Variants in SIMC1 observed in about 807,000 individuals in gnomAD.
SIMC1 encodes the protein SUMO-interacting motif-containing protein 1.
SIMC1 carries 55 observed loss-of-function variants against 82.3 expected under a neutral mutation model. The ratio of observed to expected loss-of-function variants is 0.67; its 90% CI spans 0.54 to 0.84. The LOEUF (loss-of-function observed/expected upper bound fraction) is 0.84. Among genes scored for constraint, SIMC1 ranks in the 40% least tolerant of loss-of-function variants. SIMC1 has a pLI of 0.00. For synonymous variants in SIMC1, 353 were observed against 426.3 expected (o/e 0.83, Z 2.12); for missense variants, 915 against 1,107.2 (o/e 0.83, Z 2.46).
chr5:176,301,488 C>T (rs1428314204), intron 4 of SIMC1, among the ~76,000 whole-genome samples: 1 of 152,116 alleles, frequency 6.6e-6, no homozygotes, highest in Non-Finnish European at 1.5e-5. Flanking sequence ...ATCAAAAAAA[C>T]TACAAGCAGC....
chr5:176,316,123 C>T (rs572660651), intron 5 of SIMC1, among the ~76,000 whole-genome samples: 23 of 151,482 alleles, frequency 1.5e-4, no homozygotes, highest in East Asian at 1.9e-4. Context: ...TGCAGTAAGC[C>T]GAGATCACAC....
chr5:176,323,930 G>A (rs1185709891), intron 6 of SIMC1, among the ~76,000 whole-genome samples: 6 of 151,170 alleles, frequency 4.0e-5, no homozygotes, highest in African/African-American at 1.5e-4. Context: ...GGAGCTGGCA[G>A]TGAGCCAAGA....
chr5:176,305,910 T>A (rs868394320), intron 4 of SIMC1, among the ~76,000 whole-genome samples: 1 of 32,480 alleles, frequency 3.1e-5, no homozygotes, highest in Non-Finnish European at 6.1e-5. Context: ...TGAGGGGCGC[T>A]TCTGCCCGGC....
intron 4 of SIMC1, chr5:176,309,038 T>TG: frequency 1.3e-6 from 1 of 770,952 alleles, no homozygotes; most frequent in South Asian, 1.4e-5. Flanking sequence ...TGGAGAAAGA[T>TG]GAAAATATCC....
intron 1 of SIMC1, among the ~76,000 whole-genome samples, chr5:176,246,002 A>G (rs1181380685): frequency 1.4e-5 from 2 of 144,468 alleles, no homozygotes; most frequent in African/African-American, 2.6e-5. Context: ...CCCTAGCTCT[A>G]TTTGTCAAGG....
intron 1 of SIMC1, among the ~76,000 whole-genome samples, chr5:176,250,074 C>G (rs1194723582): frequency 6.6e-6 from 1 of 152,154 alleles, no homozygotes; most frequent in African/African-American, 2.4e-5. Context: ...AAATTTCCCT[C>G]TAAACACTGC....
intron 7 of SIMC1, among the ~76,000 whole-genome samples, chr5:176,335,797 C>T (rs1765864985): frequency 6.6e-6 from 1 of 151,996 alleles, no homozygotes; most frequent in South Asian, 2.1e-4. Flanking sequence ...AATCCCAACA[C>T]TTTGGGAGGC....
At chr5:176,297,261 G>A (rs1269117175) in intron 4 of SIMC1, among the ~76,000 whole-genome samples, 1 of 152,102 alleles carries the variant, frequency 6.6e-6, no homozygotes, top group Non-Finnish European at 1.5e-5. Context: ...AGCACTTTGG[G>A]AGGCCAAGGC....
chr5:176,329,106 C>T (rs1019702733), intron 7 of SIMC1, among the ~76,000 whole-genome samples: 9 of 152,190 alleles, frequency 5.9e-5, no homozygotes, highest in Admixed American at 1.3e-4. Context: ...TTCTCATGCA[C>T]TCATTTGTGT....
At chr5:176,270,980 G>A (rs977785517) in intron 1 of SIMC1, among the ~76,000 whole-genome samples, 5 of 152,172 alleles carry the variant, frequency 3.3e-5, no homozygotes, top group African/African-American at 1.2e-4. Flanking sequence ...ACACGATCTA[G>A]TGAGACACCA....
At chr5:176,283,705 C>A (rs1763126194) in intron 1 of SIMC1, among the ~76,000 whole-genome samples, 2 of 152,152 alleles carry the variant, frequency 1.3e-5, no homozygotes, top group Non-Finnish European at 2.9e-5. Context: ...GTGCCCAATG[C>A]TCCAATTAAA....
chr5:176,323,296 A>G (rs1408569846), intron 6 of SIMC1, among the ~76,000 whole-genome samples: 1 of 152,228 alleles, frequency 6.6e-6, no homozygotes, highest in East Asian at 1.9e-4. Context: ...ATACAGACCC[A>G]AGAGGGAGGT....
At chr5:176,291,351 T>TG (rs1311116666) in intron 2 of SIMC1, among the ~76,000 whole-genome samples, 4 of 145,306 alleles carry the variant, frequency 2.8e-5, no homozygotes, top group Non-Finnish European at 6.1e-5. Flanking sequence ...TTTTTTTTTT[T>TG]TTTGAGATGG....
At chr5:176,340,609 A>G (rs1023087230) in intron 9 of SIMC1, among the ~76,000 whole-genome samples, 2 of 152,216 alleles carry the variant, frequency 1.3e-5, no homozygotes, top group African/African-American at 4.8e-5. Context: ...TATCCAGGCA[A>G]CAGATATCTA....
chr5:176,320,577 C>A (rs1765119087), intron 5 of SIMC1, among the ~76,000 whole-genome samples: 1 of 151,970 alleles, frequency 6.6e-6, no homozygotes, highest in African/African-American at 2.4e-5. Flanking sequence ...ACCATTTTGC[C>A]CAGGCTGGTC....
chr5:176,284,750 A>G (rs1470665895), intron 1 of SIMC1, among the ~76,000 whole-genome samples: 3 of 151,316 alleles, frequency 2.0e-5, no homozygotes, highest in Non-Finnish European at 4.4e-5. Context: ...GCTGGGCAAT[A>G]AAAAATGATA....
At chr5:176,311,293 A>G (rs1764653005) in intron 4 of SIMC1, among the ~76,000 whole-genome samples, 1 of 152,316 alleles carries the variant, frequency 6.6e-6, no homozygotes, top group African/African-American at 2.4e-5. Context: ...GCTGGAGTGC[A>G]GTGGCATGAT....
At chr5:176,304,874 C>G (rs558324214) in intron 4 of SIMC1, among the ~76,000 whole-genome samples, 2 of 147,154 alleles carry the variant, frequency 1.4e-5, no homozygotes, top group Non-Finnish European at 1.5e-5. Flanking sequence ...TCTGCCTGGC[C>G]GAGACCCCGT....
chr5:176,302,950 A>G (rs748450236), intron 4 of SIMC1, among the ~76,000 whole-genome samples: 1 of 152,230 alleles, frequency 6.6e-6, no homozygotes, highest in African/African-American at 2.4e-5. Context: ...TGGAAGACTT[A>G]ATATGGTTAA....
Sources: gnomAD v4.1 joint callset for allele counts (sites outside exome capture counted in the v4.1 genomes callset) on GRCh38, gnomAD v4.1.1 for gene constraint, MANE v1.5 for transcripts, NCBI Gene and HGNC (gene_info 2026-07-23, HGNC 2026-07-21) for gene names.